Variants in MAGI2 observed in about 807,000 individuals in gnomAD.
The protein encoded by MAGI2 is membrane-associated guanylate kinase, WW and PDZ domain-containing protein 2.
In MAGI2, 35 loss-of-function variants were observed where a neutral mutation model predicts 133.3. That is an observed-to-expected ratio of 0.26 (90% CI 0.20 to 0.35). The LOEUF (loss-of-function observed/expected upper bound fraction) is 0.35, where lower values mean the gene tolerates loss of function less well. Among genes scored for constraint, MAGI2 ranks in the 10% least tolerant of loss-of-function variants. The pLI is 1.00. For missense variants in MAGI2, 1,636 were observed against 1,863.4 expected, an observed-to-expected ratio of 0.88 and a Z score of 2.25; for synonymous variants, 729 against 710.6, an observed-to-expected ratio of 1.03 and a Z score of -0.41.
At chr7:78,952,270 A>G (rs540527065) in intron 2 of MAGI2, among the ~76,000 whole-genome samples, 159 of 152,048 alleles carry the variant, frequency 1.0e-3, no homozygotes, top group Non-Finnish European at 2.1e-3. Flanking sequence ...ATTTGTGTAT[A>G]TTTTCCAAGT....
intron 1 of MAGI2, among the ~76,000 whole-genome samples, chr7:79,269,374 G>A (rs1834708947): frequency 1.3e-5 from 2 of 152,264 alleles, no homozygotes; most frequent in South Asian, 4.1e-4. Flanking sequence ...GATGAAATAT[G>A]GGTTGCTCAG....
chr7:79,002,849 T>C (rs1329817663), intron 2 of MAGI2, among the ~76,000 whole-genome samples: 1 of 149,514 alleles, frequency 6.7e-6, no homozygotes, highest in Admixed American at 6.7e-5. Context: ...GGGATGTGGC[T>C]TTTATTGAAA....
At chr7:78,755,991 A>G (rs909981465) in intron 2 of MAGI2, among the ~76,000 whole-genome samples, 77 of 152,184 alleles carry the variant, frequency 5.1e-4, no homozygotes, top group African/African-American at 1.7e-3. Context: ...AGTCTGCATC[A>G]TAATTTTAAG....
intron 4 of MAGI2, among the ~76,000 whole-genome samples, chr7:78,520,411 T>C (rs1427204636): frequency 2.6e-5 from 4 of 152,078 alleles, no homozygotes; most frequent in African/African-American, 9.7e-5. Flanking sequence ...TCCAATACTA[T>C]GTTAGTAGAG....
At chr7:78,704,415 AT>A (rs1585138403) in intron 2 of MAGI2, among the ~76,000 whole-genome samples, 2 of 152,170 alleles carry the variant, frequency 1.3e-5, no homozygotes, top group East Asian at 1.9e-4. Flanking sequence ...CAGTAAAAAA[AT>A]AACACGCTAG....
chr7:78,708,904 C>T (rs1283218879), intron 2 of MAGI2, among the ~76,000 whole-genome samples: 1 of 151,936 alleles, frequency 6.6e-6, no homozygotes, highest in Non-Finnish European at 1.5e-5. Context: ...TTCTTAGTTC[C>T]TATATTCTAC....
intron 1 of MAGI2, among the ~76,000 whole-genome samples, chr7:79,348,920 A>G (rs1380892181): frequency 4.6e-5 from 7 of 152,000 alleles, no homozygotes; most frequent in Admixed American, 4.6e-4. Context: ...CCTATTTAAG[A>G]CAACAGGAGA....
At chr7:79,007,734 C>T (rs1584655598) in intron 1 of MAGI2, among the ~76,000 whole-genome samples, 2 of 151,960 alleles carry the variant, frequency 1.3e-5, no homozygotes, top group South Asian at 4.2e-4. Context: ...GAAAGTTGCT[C>T]TAGATTTAGT....
chr7:78,364,815 A>G (rs1414762714), intron 7 of MAGI2, among the ~76,000 whole-genome samples: 3 of 152,208 alleles, frequency 2.0e-5, no homozygotes, highest in African/African-American at 7.2e-5. Context: ...CATTTTGCAT[A>G]TTGTTATTAA....
Position 78,477,510 on chromosome 7 carries a change from TG to T in MAGI2, c.1045+12250del, listed in dbSNP as rs199795145. 5.5e-3 allele frequency among the ~76,000 whole-genome samples: 836 copies of T among 152,052 alleles called. 4 individuals are homozygous for T. Among genetic ancestry groups the T allele is most frequent in the African/African-American group, 0.016 (679 of 41,518 alleles). ...GGTTTAACTGTTTCACAGTTCCACA[TG>T]GCTGGGGAGGCCTCACAATCATGGC... On this transcript the variant is annotated intron_variant, in intron 6 of 21. Coordinates refer to ENST00000354212, the MANE Select transcript of MAGI2 (RefSeq NM_012301.4).
intron 1 of MAGI2, among the ~76,000 whole-genome samples, chr7:79,058,159 A>C (rs977568614): frequency 6.6e-6 from 1 of 152,108 alleles, no homozygotes; most frequent in African/African-American, 2.4e-5. Flanking sequence ...ACCAGGGAAA[A>C]TGCGATGGGA....
intron 13 of MAGI2, 118 bp downstream of exon 13, chr7:78,185,511 G>A: frequency 5.8e-6 from 4 of 689,082 alleles, no homozygotes; most frequent in Non-Finnish European, 9.2e-6. Context: ...TTTTATGTAG[G>A]TGACTAAAGT....
intron 1 of MAGI2, chr7:79,124,666 G>T (rs1157974184): frequency 1.3e-5 from 2 of 152,506 alleles, no homozygotes; most frequent in Non-Finnish European, 2.9e-5. Context: ...CACAAGTTAC[G>T]GAGATAATGT....
intron 10 of MAGI2, among the ~76,000 whole-genome samples, chr7:78,227,807 A>G (rs1033856776): frequency 4.7e-5 from 7 of 150,356 alleles, no homozygotes; most frequent in Non-Finnish European, 1.0e-4. Flanking sequence ...CTGTCACCTG[A>G]GGAAGTTGTG....
chr7:78,298,768 G>GTGT (rs1267011209), intron 9 of MAGI2, among the ~76,000 whole-genome samples: 4 of 148,172 alleles, frequency 2.7e-5, no homozygotes, highest in African/African-American at 7.5e-5. Flanking sequence ...GCCTCCCAAA[G>GTGT]TGTTGGGATT....
At chr7:79,368,765 G>C (rs887112817) in intron 1 of MAGI2, among the ~76,000 whole-genome samples, 1 of 147,104 alleles carries the variant, frequency 6.8e-6, no homozygotes, top group African/African-American at 2.5e-5. Context: ...GGAGAATGGC[G>C]TGAACCCGGG....
At chr7:78,669,915 A>C (rs1225228569) in intron 2 of MAGI2, among the ~76,000 whole-genome samples, 5 of 149,358 alleles carry the variant, frequency 3.3e-5, no homozygotes, top group Admixed American at 6.6e-5. Context: ...ATTGATGGGA[A>C]GTATCTCAAA....
At chr7:78,166,775 G>C (rs1825660141) in intron 15 of MAGI2, among the ~76,000 whole-genome samples, 1 of 152,030 alleles carries the variant, frequency 6.6e-6, no homozygotes, top group Admixed American at 6.6e-5. Context: ...CCTGTATTAG[G>C]GAGTGACATT....
intron 7 of MAGI2, among the ~76,000 whole-genome samples, chr7:78,348,181 G>A (rs1173793822): frequency 2.0e-5 from 3 of 152,106 alleles, no homozygotes; most frequent in East Asian, 1.9e-4. Context: ...ATCTTTCCAC[G>A]AGAGATTCAG....
Sources: gnomAD v4.1 joint callset for allele counts (sites outside exome capture counted in the v4.1 genomes callset) on GRCh38, gnomAD v4.1.1 for gene constraint, MANE v1.5 for transcripts, NCBI Gene and HGNC (gene_info 2026-07-23, HGNC 2026-07-21) for gene names.